The following STXBP5 variants were observed in gnomAD, a reference collection of about 807,000 sequenced individuals.
STXBP5 encodes syntaxin binding protein 5, also known as syntaxin-binding protein 5.
STXBP5 carries 50 observed loss-of-function variants against 152.4 expected under a neutral mutation model. The ratio of observed to expected loss-of-function variants is 0.33; its 90% CI spans 0.26 to 0.42. The LOEUF is 0.42. Among genes scored for constraint, STXBP5 ranks in the 10% least tolerant of loss-of-function variants. The probability of loss-of-function intolerance (pLI) is 1.00; values close to 1 mark genes in which losing one functional copy is unlikely to be tolerated. For missense variants in STXBP5, 1,167 were observed against 1,388.6 expected, an observed-to-expected ratio of 0.84 and a Z score of 2.54; for synonymous variants, 492 against 494.7, an observed-to-expected ratio of 0.99 and a Z score of 0.07.
intron 8 of STXBP5, among the ~76,000 whole-genome samples, chr6:147,281,822 A>G (rs1469309732): frequency 6.6e-6 from 1 of 152,212 alleles, no homozygotes; most frequent in Non-Finnish European, 1.5e-5. Context: ...CATTTATATA[A>G]CATGGGATTT....
intron 7 of STXBP5, among the ~76,000 whole-genome samples, chr6:147,276,075 T>C (rs1780429441): frequency 6.6e-6 from 1 of 152,178 alleles, no homozygotes; most frequent in Non-Finnish European, 1.5e-5. Flanking sequence ...ATTTTCTCAC[T>C]TTGTTTACGT....
intron 4 of STXBP5, among the ~76,000 whole-genome samples, chr6:147,254,508 C>T (rs1452051444): frequency 6.6e-6 from 1 of 152,110 alleles, no homozygotes; most frequent in East Asian, 1.9e-4. Context: ...GAACAGGCAG[C>T]CTACAGAATG....
At chr6:147,292,214 A>ATG (rs908842876) in intron 9 of STXBP5, 6 of 450,824 alleles carry the variant, frequency 1.3e-5, no homozygotes, top group Non-Finnish European at 2.2e-5. Context: ...AAATATATAT[A>ATG]TAAAAATGTC....
chr6:147,325,521 G>A (rs546762680), intron 17 of STXBP5, among the ~76,000 whole-genome samples: 44 of 152,212 alleles, frequency 2.9e-4, no homozygotes, highest in Non-Finnish European at 5.1e-4. Flanking sequence ...AATTGTAAAA[G>A]CATGACAATA....
intron 9 of STXBP5, among the ~76,000 whole-genome samples, chr6:147,291,886 A>T (rs1781293913): frequency 6.7e-6 from 1 of 150,140 alleles, no homozygotes; most frequent in South Asian, 2.1e-4. Context: ...GCTATGTTGG[A>T]CAGTGAGTAT....
rs767088834 is a variant in STXBP5 at position 147,382,735 on chromosome 6, G to A, written c.3194-43G>A. On this transcript the variant is annotated intron_variant, in intron 26 of 27. Transcript: ENST00000321680. ...TAGTAGGATTTTATATTAGTAAAAT[G>A]TTCATGTTTTGAGTTACTCTTTGAT... 6 of 1,589,252 alleles carry A rather than the reference G, an allele frequency of 3.8e-6. No homozygotes were observed. In the African/African-American group the frequency reaches 6.8e-5, roughly 18 times the overall value.
chr6:147,229,798 C>T (rs2115140027), intron 2 of STXBP5, among the ~76,000 whole-genome samples: 1 of 151,872 alleles, frequency 6.6e-6, no homozygotes, highest in South Asian at 2.1e-4. Context: ...GATTATGTCA[C>T]CTATGAATAA....
chr6:147,325,125 A>T, intron 17 of STXBP5, 41 bp downstream of exon 17: 1 of 1,382,624 alleles, frequency 7.2e-7, no homozygotes, highest in Non-Finnish European at 9.5e-7. Flanking sequence ...TCTTCATAGT[A>T]TTCCATATGT....
chr6:147,335,770 C>T (rs139517991), intron 19 of STXBP5, among the ~76,000 whole-genome samples: 6,796 of 151,678 alleles, frequency 0.045, 446 homozygotes, highest in East Asian at 0.27. Flanking sequence ...CACTGCACTC[C>T]AGCCTGGGCG....
chr6:147,373,695 A>G, intron 25 of STXBP5, 36 bp from the exon 26 acceptor site: 2 of 1,525,464 alleles, frequency 1.3e-6, no homozygotes, highest in South Asian at 1.1e-5. Flanking sequence ...AGTTTCCCTG[A>G]AATTTCAACA....
At position 147,339,059 on chromosome 6, in the gene STXBP5, A is replaced by T. The variant is rs114322498; in HGVS notation, c.2147-120A>T. 190 of 801,708 alleles carry T rather than the reference A, an allele frequency of 2.4e-4. No homozygotes were observed. The African/African-American group carries it at 3.0e-3, about 13-fold the overall frequency. The allele number at this position is 801,708 out of a possible 1,614,324, so 49.7% of individuals were successfully genotyped here. A position where few individuals can be genotyped will look rare whatever the true frequency, so the allele number is the denominator to read the frequency against. ...TTATACATGGCCTCTTCTTGTGGTC[A>T]CTAACATGATAACTTGTTTTGAAAG... On this transcript the variant is annotated intron_variant, in intron 19 of 27. Transcript: ENST00000321680.
chr6:147,308,334 G>A (rs1394278117), intron 9 of STXBP5, among the ~76,000 whole-genome samples: 2 of 152,096 alleles, frequency 1.3e-5, no homozygotes, highest in Non-Finnish European at 2.9e-5. Flanking sequence ...GTTCTATTTA[G>A]GATAACATTT....
intron 19 of STXBP5, 58 bp from the exon 20 acceptor site, chr6:147,339,121 A>T (rs1385249851): frequency 1.5e-6 from 2 of 1,369,396 alleles, no homozygotes; most frequent in Non-Finnish European, 2.0e-6. Context: ...TTCTTGTTAC[A>T]GCTCAGTATT....
At chr6:147,339,313 T>A in intron 20 of STXBP5, 24 bp from the exon 21 acceptor site, 1 of 1,516,030 alleles carries the variant, frequency 6.6e-7, no homozygotes, top group Non-Finnish European at 8.8e-7. Flanking sequence ...ATTTTGACAT[T>A]TTATATCAAA....
At chr6:147,256,358 A>AAGG (rs10637103) in intron 4 of STXBP5, among the ~76,000 whole-genome samples, 147,460 of 152,228 alleles carry the variant, frequency 0.97, 71,476 homozygotes, top group East Asian at 1. Context: ...CCTTAGCTGA[A>AAGG]AGAAGTATGT....
intron 6 of STXBP5, among the ~76,000 whole-genome samples, chr6:147,264,481 C>G (rs1295351175): frequency 6.6e-6 from 1 of 152,070 alleles, no homozygotes; most frequent in Non-Finnish European, 1.5e-5. Context: ...AGATACAGAG[C>G]TAGACTTTGG....
intron 4 of STXBP5, among the ~76,000 whole-genome samples, chr6:147,244,033 A>G (rs1778679327): frequency 6.6e-6 from 1 of 152,186 alleles, no homozygotes; most frequent in Non-Finnish European, 1.5e-5. Flanking sequence ...GGATTCAACC[A>G]TCAGCAGACT....
intron 7 of STXBP5, among the ~76,000 whole-genome samples, chr6:147,268,577 A>G (rs899595170): frequency 6.6e-6 from 1 of 152,206 alleles, no homozygotes; most frequent in African/African-American, 2.4e-5. Context: ...ACTAGTCAGG[A>G]TCTTCAAATT....
rs183240580 is a variant in STXBP5, at chr6:147,270,475, C to G, written c.714+3308C>G. 2.2e-4 allele frequency among the ~76,000 whole-genome samples: 33 copies of G among 151,458 alleles called. No individual in the cohort carries two copies. In the East Asian group the frequency reaches 6.2e-3, roughly 28 times the overall value. ...AAGCCAGAACACAGTGGAATACCACCTTCACAGTACTGAAAGAAAAATTTG... is the reference window on the plus strand; with the variant it reads ...AAGCCAGAACACAGTGGAATACCACGTTCACAGTACTGAAAGAAAAATTTG... On this transcript the variant is annotated intron_variant, in intron 7 of 27. Transcript: ENST00000321680.
Sources: gnomAD v4.1 joint callset for allele counts (sites outside exome capture counted in the v4.1 genomes callset) on GRCh38, gnomAD v4.1.1 for gene constraint, MANE v1.5 for transcripts, NCBI Gene and HGNC (gene_info 2026-07-23, HGNC 2026-07-21) for gene names.